The following SLC2A10 variants were observed in gnomAD, a reference collection of about 807,000 sequenced individuals.
SLC2A10 encodes the protein solute carrier family 2 member 10, also known as solute carrier family 2, facilitated glucose transporter member 10.
In SLC2A10, 25 loss-of-function variants were observed where a neutral mutation model predicts 32.1. The ratio of observed to expected loss-of-function variants is 0.78; its 90% CI spans 0.57 to 1.09. The LOEUF is 1.09. Ranked by LOEUF, SLC2A10 falls within the 50% of genes least tolerant of loss-of-function variation. The pLI, the probability that SLC2A10 is intolerant of heterozygous loss-of-function variation, is 0.00. For synonymous variants in SLC2A10, 332 were observed against 309.6 expected, an observed-to-expected ratio of 1.07 and a Z score of -0.76; for missense variants, 673 against 686.5, an observed-to-expected ratio of 0.98 and a Z score of 0.22.
intron 1 of SLC2A10, among the ~76,000 whole-genome samples, chr20:46,714,777 C>T (rs766648734): frequency 6.6e-6 from 1 of 152,126 alleles, no homozygotes; most frequent in Non-Finnish European, 1.5e-5. Flanking sequence ...GTGATGGGAA[C>T]CATGGAAAGG....
chr20:46,716,215 C>G (rs527977072), intron 1 of SLC2A10, among the ~76,000 whole-genome samples: 1 of 151,028 alleles, frequency 6.6e-6, no homozygotes, highest in African/African-American at 2.4e-5. Context: ...TGCAGTGGCA[C>G]GATCTCGGCT....
chr20:46,710,029 C>T, intron 1 of SLC2A10: 2 of 517,796 alleles, frequency 3.9e-6, no homozygotes, highest in South Asian at 2.7e-5. Flanking sequence ...GATCCGACAG[C>T]CCCAGGCAAG....
chr20:46,725,004 C>T (rs1307957877), intron 1 of SLC2A10, 37 bp from the exon 2 acceptor site: 1 of 1,613,964 alleles, frequency 6.2e-7, no homozygotes, highest in Non-Finnish European at 8.5e-7. Flanking sequence ...TGACAAGGAA[C>T]CATTCTAACT....
chr20:46,727,625 T>G (rs1980050002), intron 3 of SLC2A10, among the ~76,000 whole-genome samples: 1 of 152,146 alleles, frequency 6.6e-6, no homozygotes, highest in African/African-American at 2.4e-5. Context: ...CTGGAAGTTT[T>G]TCTCAAATCA....
rs1477369956 is a variant in SLC2A10 at position 46,709,656 on chromosome 20, G to C, written c.-81G>C. 62 of 1,502,440 alleles carry C rather than the reference G, an allele frequency of 4.1e-5. No homozygotes were observed. Among genetic ancestry groups the C allele is most frequent in the Non-Finnish European group, 5.3e-5 (59 of 1,122,050 alleles). 93.1% of individuals were successfully genotyped at this position (1,502,440 alleles called of 1,614,324 possible). On this transcript the variant is annotated 5_prime_UTR_variant, in exon 1 of 5. Coordinates refer to ENST00000359271, the MANE Select transcript of SLC2A10 (RefSeq NM_030777.4). ...GGGCGGGCCGGAAAGTTTGTCCGGCGGCAGCGGCGTTGGGGACTCCGGCGG... is the reference window on the plus strand; with the variant it reads ...GGGCGGGCCGGAAAGTTTGTCCGGCCGCAGCGGCGTTGGGGACTCCGGCGG...
Position 46,725,620 on chromosome 20 carries a change from A to C in SLC2A10, c.584A>C (p.His195Pro), listed in dbSNP as rs1979866782. Reference sequence around the variant, plus strand: ...GCTGGTACAGATGAGACTGCAACACACAAGGACCTCATCCCACTCCAGGGA... The same window carrying C: ...GCTGGTACAGATGAGACTGCAACACCCAAGGACCTCATCCCACTCCAGGGA... Reference protein sequence around the residue: ...LPAGTDETATHKDLIPLQGGE... With the variant: ...LPAGTDETATPKDLIPLQGGE... Residue 195 changes from histidine (H) to proline (P), a missense_variant, in exon 2 of 5, where the codon CAC becomes CCC. Transcript: ENST00000359271. 1 of 1,613,972 alleles carries C rather than the reference A, an allele frequency of 6.2e-7. No individual in the cohort carries two copies. Among genetic ancestry groups the C allele is most frequent in the African/African-American group, 1.3e-5 (1 of 74,918 alleles).
rs377031320 is a variant in SLC2A10 at position 46,725,828 on chromosome 20, T to C, written c.792T>C (p.His264=). Residue 264 remains histidine, a synonymous_variant, in exon 2 of 5, where the codon CAT becomes CAC. Transcript: ENST00000359271. ...ASTIFSSVGF[H]GGSSAVLASV... is the part of the protein sequence containing the mutation. ...CCATCTTCAGCTCCGTTGGTTTCCATGGGGGATCCTCAGCCGTGCTGGCCT... is the reference window on the plus strand; with the variant it reads ...CCATCTTCAGCTCCGTTGGTTTCCACGGGGGATCCTCAGCCGTGCTGGCCT... 9.0e-5 allele frequency: 145 copies of C among 1,614,092 alleles called. No homozygotes were observed. The Middle Eastern group carries it at 2.0e-3, about 22-fold the overall frequency.
chr20:46,725,371 T>G lies in SLC2A10; in HGVS notation c.335T>G (p.Ile112Ser), dbSNP rs748118946. ...VLGRAVVGFA[I>S]SLSSMACCIY... is the part of the protein sequence containing the mutation. ...GGCCGCGCTGTGGTTGGCTTCGCCATTTCCCTCTCCTCCATGGCTTGCTGT... is the reference window on the plus strand; with the variant it reads ...GGCCGCGCTGTGGTTGGCTTCGCCAGTTCCCTCTCCTCCATGGCTTGCTGT... Residue 112 changes from isoleucine to serine, a missense_variant, in exon 2 of 5, where the codon ATT becomes AGT. Coordinates refer to ENST00000359271, the MANE Select transcript of SLC2A10 (RefSeq NM_030777.4). The G allele has an allele frequency of 9.9e-6, 16 of 1,614,134 alleles. No homozygotes were observed. The highest frequency in any genetic ancestry group is 1.4e-5 in the Non-Finnish European group (16 of 1,180,034).
chr20:46,726,391 T>C (rs1979964710), intron 2 of SLC2A10, 67 bp downstream of exon 2: 1 of 1,573,960 alleles, frequency 6.4e-7, no homozygotes. Context: ...GTTTGGGGAC[T>C]TCCCACCCTG....
chr20:46,728,459 C>G (rs927781999), intron 3 of SLC2A10, among the ~76,000 whole-genome samples: 27 of 152,218 alleles, frequency 1.8e-4, no homozygotes, highest in Non-Finnish European at 3.8e-4. Context: ...TGAGACCCAC[C>G]GGAGGCTCTA....
chr20:46,708,978 C>T (rs1220659926), upstream of SLC2A10, among the ~76,000 whole-genome samples: 1 of 152,234 alleles, frequency 6.6e-6, no homozygotes, highest in African/African-American at 2.4e-5. Context: ...GCCTAACCCA[C>T]CACCGTAGTT....
intron 1 of SLC2A10, among the ~76,000 whole-genome samples, chr20:46,720,798 G>A (rs1979508325): frequency 6.6e-6 from 1 of 152,110 alleles, no homozygotes; most frequent in Admixed American, 6.5e-5. Context: ...AATGTGTCAG[G>A]AGCCCTTTGG....
chr20:46,715,616 A>G (rs1004792895), intron 1 of SLC2A10, among the ~76,000 whole-genome samples: 1 of 152,054 alleles, frequency 6.6e-6, no homozygotes. Context: ...GTGGCAGGGG[A>G]GAGGGATGAG....
intron 1 of SLC2A10, among the ~76,000 whole-genome samples, chr20:46,717,574 T>C (rs1256027929): frequency 6.6e-6 from 1 of 152,046 alleles, no homozygotes; most frequent in African/African-American, 2.4e-5. Flanking sequence ...TTAGTAGAGA[T>C]GGGTTTTGCC....
chr20:46,714,991 G>T (rs1224061955), intron 1 of SLC2A10, among the ~76,000 whole-genome samples: 1 of 152,190 alleles, frequency 6.6e-6, no homozygotes, highest in Non-Finnish European at 1.5e-5. Flanking sequence ...TGGGAGGTCA[G>T]TGCAGCGGAG....
At position 46,725,402 on chromosome 20, in the gene SLC2A10, C is replaced by A; in HGVS notation, c.366C>A (p.Tyr122Ter). The A allele has an allele frequency of 6.2e-7, 1 of 1,614,170 alleles. No individual in the cohort carries two copies. Among genetic ancestry groups the A allele is most frequent in the Non-Finnish European group, 8.5e-7 (1 of 1,180,034 alleles). The change falls in exon 2 of 5, where the codon TAC becomes TAA. Residue 122 changes from tyrosine to a stop codon, truncating the protein, a stop_gained. Coordinates refer to ENST00000359271, the MANE Select transcript of SLC2A10 (RefSeq NM_030777.4). LOFTEE classifies it high-confidence loss of function. ...ISLSSMACCI[Y>*]VSELVGPRQR... ...TCTCCTCCATGGCTTGCTGTATCTA[C>A]GTGTCAGAGCTGGTGGGGCCACGGC...
At chr20:46,730,500 A>C (rs949373599) in intron 4 of SLC2A10, among the ~76,000 whole-genome samples, 2 of 152,158 alleles carry the variant, frequency 1.3e-5, no homozygotes, top group African/African-American at 4.8e-5. Flanking sequence ...AATTTAAGTT[A>C]GTGAGAAGGA....
In SLC2A10 at chr20:46,729,350, C is replaced by T. The variant is rs374857656; in HGVS notation, c.1412-3C>T. ...GCCTACACTCCCGCCCTCCTGTTTCCAGGCACCATCGGCTTGTCCTGGACC... is the reference window on the plus strand; with the variant it reads ...GCCTACACTCCCGCCCTCCTGTTTCTAGGCACCATCGGCTTGTCCTGGACC... On this transcript the variant is annotated splice_polypyrimidine_tract_variant and splice_region_variant and intron_variant, in intron 3 of 4. Transcript: ENST00000359271. The T allele has an allele frequency of 1.4e-5, 23 of 1,613,356 alleles. No individual in the cohort carries two copies. The African/African-American group carries it at 2.1e-4, about 15-fold the overall frequency.
Position 46,725,090 on chromosome 20 carries a change from T to C in SLC2A10, c.54T>C (p.Gly18=), listed in dbSNP as rs772186491. ...TGTGTGCCTCTGTGTCTTTGCTGGG[T>C]GGCCTGACCTTTGGTTATGAACTGG... ...LPLCASVSLL[G]GLTFGYELAV... The change falls in exon 2 of 5, where the codon GGT becomes GGC. Residue 18 remains glycine, a synonymous_variant. Coordinates refer to ENST00000359271, the MANE Select transcript of SLC2A10 (RefSeq NM_030777.4). 15 of 1,614,210 alleles carry C rather than the reference T, an allele frequency of 9.3e-6. No homozygotes were observed. In the South Asian group the frequency reaches 1.2e-4, roughly 13 times the overall value.
Sources: allele counts gnomAD v4.1 joint callset (sites outside exome capture counted in the v4.1 genomes callset), GRCh38; gene constraint gnomAD v4.1.1; transcripts MANE v1.5; gene names NCBI Gene and HGNC (gene_info 2026-07-23, HGNC 2026-07-21).